Variants in ADH7 observed in about 807,000 individuals in gnomAD.
ADH7 encodes alcohol dehydrogenase 7 (class IV), mu or sigma polypeptide, also known as all-trans-retinol dehydrogenase [NAD(+)] ADH7.
In ADH7, 41 loss-of-function variants were observed where a neutral mutation model predicts 34.4. The observed-to-expected ratio is 1.19, with a 90% CI of 0.93 to 1.55. The LOEUF (loss-of-function observed/expected upper bound fraction) is 1.55. Ranked by LOEUF, ADH7 falls within the 40% of genes most tolerant of loss-of-function variation. The probability of loss-of-function intolerance (pLI) is 0.00; values close to 1 mark genes in which losing one functional copy is unlikely to be tolerated. For missense variants in ADH7, 540 were observed against 461.2 expected (o/e 1.17, Z -1.56); for synonymous variants, 180 against 160.9 (o/e 1.12, Z -0.90).
chr4:99,415,149 TCTC>T (rs1299956455), intron 8 of ADH7, among the ~76,000 whole-genome samples: 2 of 152,124 alleles, frequency 1.3e-5, no homozygotes, highest in Non-Finnish European at 2.9e-5. Flanking sequence ...GCTCGACACT[TCTC>T]CTTCCTGCAG....
At chr4:99,421,546 C>T (rs191174073) in intron 5 of ADH7, among the ~76,000 whole-genome samples, 49 of 152,242 alleles carry the variant, frequency 3.2e-4, no homozygotes, top group Admixed American at 1.6e-3. Context: ...ACCATAAAAA[C>T]CCTAGAAGAA....
chr4:99,419,404 C>A (rs1721597139), intron 6 of ADH7, among the ~76,000 whole-genome samples: 2 of 152,146 alleles, frequency 1.3e-5, no homozygotes, highest in South Asian at 2.1e-4. Flanking sequence ...ATTTTCATAC[C>A]AATATCACCA....
At chr4:99,420,057 G>A (rs1041301477) in intron 6 of ADH7, among the ~76,000 whole-genome samples, 1 of 152,148 alleles carries the variant, frequency 6.6e-6, no homozygotes, top group Admixed American at 6.5e-5. Flanking sequence ...CATATTCTAA[G>A]GGAATTCAGA....
intron 3 of ADH7, 149 bp from the exon 4 acceptor site, chr4:99,428,323 T>G (rs948427104): frequency 1.8e-5 from 23 of 1,248,710 alleles, no homozygotes; most frequent in Non-Finnish European, 2.2e-5. Flanking sequence ...TTCTAAAGGT[T>G]GAGGTTTTGC....
In ADH7 at chr4:99,430,957, C is replaced by A. The variant is rs562678197; in HGVS notation, c.19-1324G>T. Among the ~76,000 whole-genome samples, 336 of 152,176 alleles carry A rather than the reference C, an allele frequency of 2.2e-3. 5 individuals carry two copies. The highest frequency in any genetic ancestry group is 7.8e-3 in the African/African-American group (322 of 41,530). On this transcript the variant is annotated intron_variant, in intron 1 of 8. Coordinates refer to ENST00000437033, the MANE Select transcript of ADH7 (RefSeq NM_000673.7). ...GACTACAGGTGTGTGCCACCACGCC[C>A]AGCTAATATGTTTTTGTATTTTAGT...
At chr4:99,427,693 C>A in intron 5 of ADH7, 80 bp downstream of exon 5, 19 of 936,728 alleles carry the variant, frequency 2.0e-5, no homozygotes, top group South Asian at 4.3e-5. Context: ...TTTTTTTTTT[C>A]CAAAACTCTT....
chr4:99,418,292 C>G (rs989760732), intron 7 of ADH7, among the ~76,000 whole-genome samples: 1 of 152,104 alleles, frequency 6.6e-6, no homozygotes, highest in Non-Finnish European at 1.5e-5. Context: ...TCATTTTCTC[C>G]TTTTTATACT....
chr4:99,433,154 C>A (rs556532815), intron 1 of ADH7, among the ~76,000 whole-genome samples: 1 of 151,960 alleles, frequency 6.6e-6, no homozygotes, highest in Non-Finnish European at 1.5e-5. Context: ...AAGGCTACCT[C>A]GAAGAAATAT....
chr4:99,421,068 T>A (rs147749125), intron 5 of ADH7, among the ~76,000 whole-genome samples: 2,355 of 152,282 alleles, frequency 0.015, 35 homozygotes, highest in Non-Finnish European at 0.025. Flanking sequence ...AAAATGGCCA[T>A]ACTGCCCAAA....
chr4:99,419,250 TAA>T (rs1465298635), intron 6 of ADH7, 129 bp from the exon 7 acceptor site: 1 of 1,207,926 alleles, frequency 8.3e-7, no homozygotes, highest in Non-Finnish European at 1.1e-6. Context: ...TTACTTGCTT[TAA>T]AAAAATTTCA....
At chr4:99,430,521 A>C (rs892637512) in intron 1 of ADH7, among the ~76,000 whole-genome samples, 8 of 152,188 alleles carry the variant, frequency 5.3e-5, no homozygotes, top group African/African-American at 1.9e-4. Context: ...TTCAGATGCA[A>C]AATAAGTTAC....
chr4:99,426,114 T>C (rs1405651340), intron 5 of ADH7, among the ~76,000 whole-genome samples: 2 of 152,006 alleles, frequency 1.3e-5, no homozygotes, highest in African/African-American at 4.8e-5. Context: ...GCAGGAAAGA[T>C]CTAAAATTGA....
Position 99,427,824 on chromosome 4 carries a change from TA to T in ADH7, c.512del (p.Leu171Ter). 1 of 1,608,598 alleles carries T rather than the reference TA, an allele frequency of 6.2e-7. No homozygotes were observed. Among genetic ancestry groups the T allele is most frequent in the Non-Finnish European group, 8.5e-7 (1 of 1,176,742 alleles). On this transcript the variant is annotated frameshift_variant, in exon 5 of 9. Transcript: ENST00000437033. LOFTEE classifies it high-confidence loss of function. ...ATCCAGTGGAAAACCCACAGCCAAT[TA>T]AACAGACTTTCTCAGGAGGAGCTGC... ...DDAAPPEKVC[L>X]IGCGFSTGYG...
intron 7 of ADH7, among the ~76,000 whole-genome samples, chr4:99,418,506 A>T (rs148320581): frequency 3.9e-5 from 6 of 152,268 alleles, no homozygotes; most frequent in African/African-American, 1.2e-4. Context: ...AAACAATATT[A>T]ATTGTTGAGT....
In ADH7 at chr4:99,428,621, T is replaced by C; in HGVS notation, c.130A>G (p.Thr44Ala). The change falls in exon 3 of 9, where the codon ACA becomes GCA. Residue 44 changes from threonine (T) to alanine (A), a missense_variant. Physicochemically the swap from Thr to Ala is moderately conservative, Grantham distance 58. Coordinates refer to ENST00000437033, the MANE Select transcript of ADH7 (RefSeq NM_000673.7). Reference protein sequence around the residue: ...TKEVRIKILATGICRTDDHVI... With the variant: ...TKEVRIKILAAGICRTDDHVI... ...TGGTCATCTGTGCGACAGATTCCTGTGGCCAAAATCTGTGTTCAAAGACAA... is the reference window on the plus strand; with the variant it reads ...TGGTCATCTGTGCGACAGATTCCTGCGGCCAAAATCTGTGTTCAAAGACAA... 6.2e-7 allele frequency: 1 copy of C among 1,612,404 alleles called. No individual in the cohort carries two copies. The highest frequency in any genetic ancestry group is 8.5e-7 in the Non-Finnish European group (1 of 1,179,502).
chr4:99,428,675 A>G, intron 2 of ADH7, 45 bp from the exon 3 acceptor site: 2 of 1,583,736 alleles, frequency 1.3e-6, no homozygotes, highest in Non-Finnish European at 1.7e-6. Flanking sequence ...CAAACTGATC[A>G]TTTCACTGTT....
intron 5 of ADH7, among the ~76,000 whole-genome samples, 162 bp downstream of exon 5, chr4:99,427,611 T>A (rs1035473798): frequency 1.4e-4 from 21 of 152,104 alleles, no homozygotes; most frequent in Admixed American, 4.6e-4. Flanking sequence ...CTGAATTTTT[T>A]ATTTTTCTTT....
Position 99,420,683 on chromosome 4 carries a change from G to C in ADH7, c.675C>G (p.Asn225Lys). 1 of 1,613,898 alleles carries C rather than the reference G, an allele frequency of 6.2e-7. No individual in the cohort carries two copies. Among genetic ancestry groups the C allele is most frequent in the Non-Finnish European group, 8.5e-7 (1 of 1,179,926 alleles). ...GASRIIGIDL[N>K]KDKFEKAMAV... The stretch of plus-strand genomic sequence containing the variant: ...CCATGGCCTTCTCAAATTTGTCTTT[G>C]TTGAGGTCAATCCCAATGATCCTAG... The change falls in exon 6 of 9, where the codon AAC (asparagine) becomes AAG (lysine). Residue 225 changes from asparagine (N) to lysine (K), a missense_variant. Transcript: ENST00000437033.
chr4:99,423,814 C>A (rs1351404835), intron 5 of ADH7, among the ~76,000 whole-genome samples: 2 of 152,036 alleles, frequency 1.3e-5, no homozygotes, highest in East Asian at 3.9e-4. Flanking sequence ...AAAATTTTCC[C>A]CCATTTTATA....
Sources: gnomAD v4.1 joint callset for allele counts (sites outside exome capture counted in the v4.1 genomes callset) on GRCh38, gnomAD v4.1.1 for gene constraint, MANE v1.5 for transcripts, NCBI Gene and HGNC (gene_info 2026-07-23, HGNC 2026-07-21) for gene names.